RUSC2: variants seen among roughly 807,000 people sequenced by gnomAD.
RUSC2 encodes RUN and SH3 domain containing 2, also known as AP-4 complex accessory subunit RUSC2.
In RUSC2, 34 loss-of-function variants were observed where a neutral mutation model predicts 122.2. That is an observed-to-expected ratio of 0.28 (90% CI 0.21 to 0.37). The LOEUF (loss-of-function observed/expected upper bound fraction) is 0.37. Among genes scored for constraint, RUSC2 ranks in the 10% least tolerant of loss-of-function variants. RUSC2 has a pLI of 1.00. For missense variants in RUSC2, 1,747 were observed against 1,952.4 expected (o/e 0.89, Z 1.98); for synonymous variants, 784 against 790.0 (o/e 0.99, Z 0.13).
chr9:35,500,279 G>T (rs934971552), intron 1 of RUSC2, among the ~76,000 whole-genome samples: 1 of 152,006 alleles, frequency 6.6e-6, no homozygotes, highest in Non-Finnish European at 1.5e-5. Flanking sequence ...GGCAAAGAGA[G>T]AGAGAGAGCT....
chr9:35,509,899 T>C (rs1820982822), intron 1 of RUSC2, among the ~76,000 whole-genome samples: 1 of 152,132 alleles, frequency 6.6e-6, no homozygotes, highest in Admixed American at 6.6e-5. Flanking sequence ...CTGAGGGGAA[T>C]CAAATAACTT....
intron 1 of RUSC2, among the ~76,000 whole-genome samples, chr9:35,531,914 T>C (rs1821427488): frequency 6.6e-6 from 1 of 152,144 alleles, no homozygotes; most frequent in African/African-American, 2.4e-5. Flanking sequence ...TAGTCCCAGC[T>C]ACTCGGGAGA....
intron 1 of RUSC2, among the ~76,000 whole-genome samples, chr9:35,531,919 G>A (rs919647527): frequency 3.3e-5 from 5 of 152,282 alleles, no homozygotes; most frequent in South Asian, 2.1e-4. Context: ...CCAGCTACTC[G>A]GGAGACTGAG....
At chr9:35,504,799 A>G (rs1014015418) in intron 1 of RUSC2, among the ~76,000 whole-genome samples, 4 of 152,208 alleles carry the variant, frequency 2.6e-5, no homozygotes, top group African/African-American at 9.6e-5. Context: ...AGAAAGTCAC[A>G]GGACAAATAT....
chr9:35,516,058 G>A (rs1243087700), intron 1 of RUSC2, among the ~76,000 whole-genome samples: 2 of 139,816 alleles, frequency 1.4e-5, no homozygotes, highest in East Asian at 4.1e-4. Flanking sequence ...CTAGCATGGT[G>A]AGTAACATAG....
Position 35,555,954 on chromosome 9 carries a change from AACC to A in RUSC2, c.2663_2665del (p.His888del). 1.9e-6 allele frequency: 3 copies of A among 1,613,762 alleles called. No individual in the cohort carries two copies. In the South Asian group the frequency reaches 3.3e-5, roughly 18 times the overall value. Reference sequence around the variant, plus strand: ...CTGCTAATCTGTTCTGCTTCCAGCCAACCACCTATCCCCTCAAGCCCTCAAGTG... The same window carrying A: ...CTGCTAATCTGTTCTGCTTCCAGCCAACCTATCCCCTCAAGCCCTCAAGTG... On this transcript the variant is annotated inframe_deletion, in exon 4 of 12. Transcript: ENST00000361226. The surrounding 1 kb of genome is among the most constrained non-coding windows in gnomAD (Gnocchi z 4.6).
At chr9:35,529,927 T>C (rs1037829235) in intron 1 of RUSC2, among the ~76,000 whole-genome samples, 24 of 152,182 alleles carry the variant, frequency 1.6e-4, no homozygotes, top group Non-Finnish European at 3.4e-4. Flanking sequence ...TTTAGCCTGC[T>C]GTGCTTGCCA....
chr9:35,503,132 G>A (rs1196781505), intron 1 of RUSC2, among the ~76,000 whole-genome samples: 1 of 152,136 alleles, frequency 6.6e-6, no homozygotes, highest in Non-Finnish European at 1.5e-5. Flanking sequence ...AAAGTGCAGG[G>A]ATTACAGGCG....
chr9:35,544,898 ACT>A (rs1821715486), intron 1 of RUSC2, among the ~76,000 whole-genome samples: 1 of 151,362 alleles, frequency 6.6e-6, no homozygotes, highest in East Asian at 1.9e-4. Flanking sequence ...TGTAGCTCAG[ACT>A]CTCTTAATAT....
At chr9:35,527,152 T>C (rs1821340442) in intron 1 of RUSC2, among the ~76,000 whole-genome samples, 1 of 152,142 alleles carries the variant, frequency 6.6e-6, no homozygotes, top group South Asian at 2.1e-4. Flanking sequence ...TTTTTTTCTT[T>C]TTTGAGACAA....
chr9:35,504,945 T>G (rs111332114), intron 1 of RUSC2, among the ~76,000 whole-genome samples: 133 of 152,330 alleles, frequency 8.7e-4, no homozygotes, highest in African/African-American at 3.1e-3. Context: ...GTATAAAGTT[T>G]CAGTTATACA....
chr9:35,497,414 A>G (rs920914323), intron 1 of RUSC2, among the ~76,000 whole-genome samples: 2 of 152,126 alleles, frequency 1.3e-5, no homozygotes, highest in African/African-American at 4.8e-5. Flanking sequence ...GGTGTTGCAA[A>G]CCCATTTGGG....
rs1821771961 is a variant in RUSC2, at chr9:35,547,276, G to A, written c.755G>A (p.Cys252Tyr). ...CSGSGDQHCR[C>Y]SSTSSQSEAA... ...GGCTCAGGGGACCAGCACTGCCGCT[G>A]CAGTAGCACATCCAGTCAGTCCGAG... The change falls in exon 2 of 12, where the codon TGC (cysteine) becomes TAC (tyrosine). Residue 252 changes from cysteine (C) to tyrosine (Y), a missense_variant. Coordinates refer to ENST00000361226, the MANE Select transcript of RUSC2 (RefSeq NM_014806.5). The surrounding 1 kb of genome is among the most constrained non-coding windows in gnomAD (Gnocchi z 4.6). The A allele has an allele frequency of 2.5e-6, 4 of 1,614,180 alleles. No homozygotes were observed. Among genetic ancestry groups the A allele is most frequent in the Non-Finnish European group, 3.4e-6 (4 of 1,180,016 alleles).
intron 2 of RUSC2, among the ~76,000 whole-genome samples, chr9:35,553,933 G>A (rs576094024): frequency 6.6e-6 from 1 of 152,312 alleles, no homozygotes; most frequent in African/African-American, 2.4e-5. Flanking sequence ...AAGAACAGTG[G>A]CTCTGAAATC....
At chr9:35,526,251 C>T (rs892714314) in intron 1 of RUSC2, among the ~76,000 whole-genome samples, 8 of 152,120 alleles carry the variant, frequency 5.3e-5, no homozygotes, top group Admixed American at 1.3e-4. Context: ...GAAAGCTGCC[C>T]AGACCACTAC....
At chr9:35,531,924 A>G (rs985638243) in intron 1 of RUSC2, among the ~76,000 whole-genome samples, 4 of 151,952 alleles carry the variant, frequency 2.6e-5, no homozygotes, top group African/African-American at 9.7e-5. Flanking sequence ...TACTCGGGAG[A>G]CTGAGGCAGG....
intron 1 of RUSC2, among the ~76,000 whole-genome samples, chr9:35,502,566 T>A (rs931863006): frequency 6.6e-6 from 1 of 152,144 alleles, no homozygotes; most frequent in Non-Finnish European, 1.5e-5. Context: ...AGTTAAAAAA[T>A]TTTTTTTGTT....
chr9:35,549,014 C>G, intron 2 of RUSC2: 2 of 951,170 alleles, frequency 2.1e-6, no homozygotes, highest in Non-Finnish European at 1.3e-6. Flanking sequence ...CCTGGGCAGA[C>G]AGAGTGAGAT....
At chr9:35,544,323 T>TTG in intron 1 of RUSC2, among the ~76,000 whole-genome samples, 1 of 149,656 alleles carries the variant, frequency 6.7e-6, no homozygotes, top group Admixed American at 6.7e-5. Context: ...TTTTTTTTTT[T>TTG]TTTGAGACAG....
Sources: gnomAD v4.1 joint callset for allele counts (sites outside exome capture counted in the v4.1 genomes callset) on GRCh38, gnomAD v4.1.1 for gene constraint, Gnocchi (gnomAD v3.1) non-coding constraint, MANE v1.5 for transcripts, NCBI Gene and HGNC (gene_info 2026-07-23, HGNC 2026-07-21) for gene names.